Variants in U2SURP observed in about 807,000 individuals in gnomAD.
U2SURP encodes the protein U2 snRNP-associated SURP motif-containing protein.
In U2SURP, 9 loss-of-function variants were observed where a neutral mutation model predicts 144.9. The ratio of observed to expected loss-of-function variants is 0.06; its 90% CI spans 0.04 to 0.11. U2SURP has a LOEUF of 0.11. U2SURP is among the 10% of genes least tolerant of loss of function. U2SURP has a pLI of 1.00. For synonymous variants in U2SURP, 408 were observed against 396.8 expected (o/e 1.03, Z -0.33); for missense variants, 724 against 1,226.7 (o/e 0.59, Z 6.12).
At chr3:143,044,485 C>T (rs1280984555) in intron 24 of U2SURP, among the ~76,000 whole-genome samples, 1 of 151,704 alleles carries the variant, frequency 6.6e-6, no homozygotes. Flanking sequence ...TGAGGTCTCA[C>T]TATGTTGTCC....
At chr3:143,014,202 T>TA (rs966343987) in intron 3 of U2SURP, 109 bp from the exon 4 acceptor site, 1,363 of 570,910 alleles carry the variant, frequency 2.4e-3, no homozygotes, top group South Asian at 3.7e-3. Flanking sequence ...CAATGAAATT[T>TA]AAAAAAAAAC....
At chr3:143,055,976 A>G (rs1356192404) in intron 27 of U2SURP, among the ~76,000 whole-genome samples, 8 of 152,212 alleles carry the variant, frequency 5.3e-5, no homozygotes, top group Non-Finnish European at 1.0e-4. Flanking sequence ...TAAAGGTTCA[A>G]ATTTGGGGGT....
chr3:143,045,072 A>G (rs980823831), intron 24 of U2SURP, among the ~76,000 whole-genome samples: 3 of 152,162 alleles, frequency 2.0e-5, no homozygotes, highest in Non-Finnish European at 2.9e-5. Context: ...CTCTCACCTT[A>G]TAAGAAGCTC....
In U2SURP at chr3:143,016,805, C is replaced by A. The variant is rs537710258; in HGVS notation, c.437-37C>A. ...AATAAAACAGTAAAGAAAAATATTG[C>A]GAAATTAGTTTTGAAACTTAGTATT... On this transcript the variant is annotated intron_variant, in intron 5 of 27. Coordinates refer to ENST00000473835, the MANE Select transcript of U2SURP (RefSeq NM_001080415.2). The A allele has an allele frequency of 4.1e-6, 6 of 1,463,562 alleles. No homozygotes were observed. The African/African-American group carries it at 5.8e-5, about 14-fold the overall frequency. 90.7% of individuals were successfully genotyped at this position (1,463,562 alleles called of 1,614,324 possible).
intron 1 of U2SURP, among the ~76,000 whole-genome samples, chr3:143,003,273 T>A (rs1200287586): frequency 6.6e-6 from 1 of 152,218 alleles, no homozygotes; most frequent in East Asian, 1.9e-4. Flanking sequence ...TTCTTACTGA[T>A]GTCTGTGAAA....
At chr3:143,005,490 T>C (rs1441646266) in intron 1 of U2SURP, among the ~76,000 whole-genome samples, 1 of 152,250 alleles carries the variant, frequency 6.6e-6, no homozygotes, top group East Asian at 1.9e-4. Context: ...GGTTGTAACC[T>C]TATCTTAAAA....
chr3:143,046,936 C>A, intron 24 of U2SURP, among the ~76,000 whole-genome samples: 1 of 89,216 alleles, frequency 1.1e-5, no homozygotes, highest in Non-Finnish European at 2.2e-5. Flanking sequence ...GGGCGGCTGG[C>A]CGGGCAGGGG....
rs917282130 is a variant in U2SURP, at chr3:143,058,055, T to G, written c.*1605T>G. On this transcript the variant is annotated 3_prime_UTR_variant, in exon 28 of 28. Coordinates refer to ENST00000473835, the MANE Select transcript of U2SURP (RefSeq NM_001080415.2). ...TAGGAAACATTAATTCCTAAAAATTTGTTCAGAATAATTAAAAGTGAACAT... is the reference window on the plus strand; with the variant it reads ...TAGGAAACATTAATTCCTAAAAATTGGTTCAGAATAATTAAAAGTGAACAT... 1.3e-5 allele frequency: 2 copies of G among 152,424 alleles called. No individual in the cohort carries two copies. Among genetic ancestry groups the G allele is most frequent in the Admixed American group, 1.3e-4 (2 of 15,264 alleles). The allele number at this position is 152,424 out of a possible 1,614,324, so 9.4% of individuals were successfully genotyped here.
At chr3:143,048,845 G>A (rs1364160093) in intron 24 of U2SURP, among the ~76,000 whole-genome samples, 1 of 151,994 alleles carries the variant, frequency 6.6e-6, no homozygotes, top group Non-Finnish European at 1.5e-5. Context: ...CAGTGCACCT[G>A]GGTGACAGCG....
intron 20 of U2SURP, chr3:143,036,931 G>A: frequency 6.5e-6 from 3 of 464,530 alleles, no homozygotes; most frequent in East Asian, 3.6e-5. Context: ...ATAACAGGGG[G>A]ACCAAACTTG....
chr3:143,060,310 A>C lies in U2SURP; in HGVS notation c.*3860A>C, dbSNP rs933407567. The C allele has an allele frequency of 1.3e-5, 2 of 152,084 alleles. No individual in the cohort carries two copies. The highest frequency in any genetic ancestry group is 4.8e-5 in the African/African-American group (2 of 41,428). The allele number at this position is 152,084 out of a possible 1,614,324, so 9.4% of individuals were successfully genotyped here. On this transcript the variant is annotated 3_prime_UTR_variant, in exon 28 of 28. Transcript: ENST00000473835. ...GTCAGAAATGAGAATAATATAGTTGAAATCAGTTGGGCTAAAATATTCTAC... is the reference window on the plus strand; with the variant it reads ...GTCAGAAATGAGAATAATATAGTTGCAATCAGTTGGGCTAAAATATTCTAC...
At chr3:143,043,425 T>G in intron 24 of U2SURP, 149 bp downstream of exon 24, 3 of 780,928 alleles carry the variant, frequency 3.8e-6, no homozygotes, top group Non-Finnish European at 5.8e-6. Flanking sequence ...TCTTCAGGCC[T>G]CTTAGTTCAA....
chr3:143,002,185 T>C lies in U2SURP; in HGVS notation c.45+512T>C, dbSNP rs950853951. ...GGACCACTAGGGCAAAGACACGGAG[T>C]GGGAAATGCAGAGGCGGGAGCAGCT... On this transcript the variant is annotated intron_variant, in intron 1 of 27. Transcript: ENST00000473835. 2.5e-5 allele frequency: 5 copies of C among 197,832 alleles called. No homozygotes were observed. In the Admixed American group the frequency reaches 3.1e-4, roughly 12 times the overall value. 12.3% of individuals were successfully genotyped at this position (197,832 alleles called of 1,614,324 possible).
intron 1 of U2SURP, among the ~76,000 whole-genome samples, chr3:143,005,461 A>G (rs2108265645): frequency 6.6e-6 from 1 of 152,290 alleles, no homozygotes; most frequent in South Asian, 2.1e-4. Context: ...TTTTAAACTG[A>G]ATCTTTATTA....
At chr3:143,021,839 C>A (rs1255894656) in intron 10 of U2SURP, among the ~76,000 whole-genome samples, 4 of 152,204 alleles carry the variant, frequency 2.6e-5, no homozygotes, top group African/African-American at 9.6e-5. Context: ...AGACTGTCCA[C>A]TTCTGATGCA....
At position 143,038,770 on chromosome 3, in the gene U2SURP, A is replaced by G. The variant is rs973810707; in HGVS notation, c.2318-124A>G. ...GAAATAACTATTTAGAGAATTGATA[A>G]ACATAGATTAAAAAAACTTCTGTAA... On this transcript the variant is annotated intron_variant, in intron 22 of 27. Coordinates refer to ENST00000473835, the MANE Select transcript of U2SURP (RefSeq NM_001080415.2). 45 of 616,902 alleles carry G rather than the reference A, an allele frequency of 7.3e-5. No homozygotes were observed. In the African/African-American group the frequency reaches 7.9e-4, roughly 11 times the overall value. 38.2% of individuals were successfully genotyped at this position (616,902 alleles called of 1,614,324 possible). A position where few individuals can be genotyped will look rare whatever the true frequency, so the allele number is the denominator to read the frequency against.
intron 24 of U2SURP, among the ~76,000 whole-genome samples, chr3:143,047,211 C>T (rs1428433685): frequency 1.1e-5 from 1 of 90,400 alleles, no homozygotes. Context: ...GGGCGGCCGG[C>T]CAGGCGGGGG....
chr3:143,036,794 A>G (rs1017734271), intron 20 of U2SURP: 1 of 172,244 alleles, frequency 5.8e-6, no homozygotes, highest in Non-Finnish European at 1.2e-5. Flanking sequence ...TAGTATGCTA[A>G]TAGTATGATA....
rs548468266 is a variant in U2SURP, at chr3:143,028,312, A to G, written c.1380-28A>G. 1.6e-5 allele frequency: 25 copies of G among 1,587,492 alleles called. No individual in the cohort carries two copies. The African/African-American group carries it at 3.1e-4, about 20-fold the overall frequency. The stretch of plus-strand genomic sequence containing the variant: ...AGATAGCTCTTTGTTAAAGAATATG[A>G]TGTTTAATGTTTGTTTGTTTTGTGT... On this transcript the variant is annotated intron_variant, in intron 14 of 27. Coordinates refer to ENST00000473835, the MANE Select transcript of U2SURP (RefSeq NM_001080415.2).
Sources: allele counts gnomAD v4.1 joint callset (sites outside exome capture counted in the v4.1 genomes callset), GRCh38; gene constraint gnomAD v4.1.1; transcripts MANE v1.5; gene names NCBI Gene and HGNC (gene_info 2026-07-23, HGNC 2026-07-21).